SLC24A2: variants seen among roughly 807,000 people sequenced by gnomAD.
SLC24A2 encodes the protein sodium/potassium/calcium exchanger 2.
Under a neutral mutation model 62.0 loss-of-function variants are expected in SLC24A2, and 36 were observed. The ratio of observed to expected loss-of-function variants is 0.58; its 90% CI spans 0.44 to 0.77. SLC24A2 has a LOEUF of 0.77. SLC24A2 is among the 30% of genes least tolerant of loss of function. The pLI is 0.00. For synonymous variants in SLC24A2, 358 were observed against 294.0 expected, an observed-to-expected ratio of 1.22 and a Z score of -2.23; for missense variants, 846 against 817.9, an observed-to-expected ratio of 1.03 and a Z score of -0.42.
the SLC24A2 span, among the ~76,000 whole-genome samples, chr9:20,142,699 G>C: frequency 6.6e-6 from 1 of 152,144 alleles, no homozygotes; most frequent in Non-Finnish European, 1.5e-5. Flanking sequence ...GGGTTCAAGA[G>C]ATTCTCCTGC....
the SLC24A2 span, among the ~76,000 whole-genome samples, chr9:20,158,482 T>A: frequency 5.3e-5 from 8 of 151,682 alleles, no homozygotes; most frequent in African/African-American, 1.7e-4. Flanking sequence ...ACATAGAAGG[T>A]GCCATTTATG....
the SLC24A2 span, among the ~76,000 whole-genome samples, chr9:20,258,093 T>C: frequency 6.6e-6 from 1 of 152,320 alleles, no homozygotes; most frequent in East Asian, 1.9e-4. Context: ...ACACCCCATG[T>C]GGTAGGGAGA....
At chr9:19,794,897 G>A in the SLC24A2 span, among the ~76,000 whole-genome samples, 7 of 151,984 alleles carry the variant, frequency 4.6e-5, no homozygotes, top group South Asian at 4.2e-4. Context: ...ATAAAAAATC[G>A]TGCTCCTGCT....
the SLC24A2 span, among the ~76,000 whole-genome samples, chr9:20,275,236 G>A: frequency 3.3e-5 from 5 of 152,240 alleles, no homozygotes; most frequent in African/African-American, 1.2e-4. Context: ...GAGAAGACCT[G>A]CAGAGAAAAG....
chr9:19,774,070 C>T (rs556673752), intron 2 of SLC24A2, among the ~76,000 whole-genome samples: 1 of 152,178 alleles, frequency 6.6e-6, no homozygotes, highest in South Asian at 2.1e-4. Context: ...AGGAAGTAGG[C>T]AAGGCCCTGA....
chr9:19,586,076 T>C (rs1174813753), intron 5 of SLC24A2, among the ~76,000 whole-genome samples: 1 of 152,264 alleles, frequency 6.6e-6, no homozygotes, highest in Non-Finnish European at 1.5e-5. Context: ...CTTATTTCTT[T>C]TTAAGAAACT....
At chr9:20,064,116 A>G in the SLC24A2 span, among the ~76,000 whole-genome samples, 1 of 152,246 alleles carries the variant, frequency 6.6e-6, no homozygotes, top group African/African-American at 2.4e-5. Flanking sequence ...GTATATCCAT[A>G]TAGTGGAATA....
the SLC24A2 span, among the ~76,000 whole-genome samples, chr9:20,265,815 C>A: frequency 6.6e-6 from 1 of 152,186 alleles, no homozygotes; most frequent in Non-Finnish European, 1.5e-5. Flanking sequence ...TCGCTGAATT[C>A]TTTTTCTCAG....
intron 5 of SLC24A2, among the ~76,000 whole-genome samples, chr9:19,596,953 T>A (rs539795841): frequency 3.3e-5 from 5 of 152,344 alleles, no homozygotes; most frequent in African/African-American, 1.2e-4. Flanking sequence ...AGTGGGTATT[T>A]GTGTTTACAT....
the SLC24A2 span, among the ~76,000 whole-genome samples, chr9:20,225,955 G>C: frequency 6.6e-6 from 1 of 151,924 alleles, no homozygotes; most frequent in Non-Finnish European, 1.5e-5. Context: ...AAGAGAGAGA[G>C]GGAAGAATGA....
Position 19,688,387 on chromosome 9 carries a change from C to T in SLC24A2, c.931-66088G>A, listed in dbSNP as rs190241017. 3.7e-3 allele frequency among the ~76,000 whole-genome samples: 557 copies of T among 152,046 alleles called. 13 individuals carry two copies. The highest frequency in any genetic ancestry group is 0.033 in the Admixed American group (502 of 15,242). Reference sequence around the variant, plus strand: ...CAATGAGAAAACATGAAAATGGTGCCGATAGAAAGCTGGGTATCATTTGGT... The same window carrying T: ...CAATGAGAAAACATGAAAATGGTGCTGATAGAAAGCTGGGTATCATTTGGT... On this transcript the variant is annotated intron_variant, in intron 2 of 10. Coordinates refer to ENST00000341998, the MANE Select transcript of SLC24A2 (RefSeq NM_020344.4).
At chr9:19,689,525 G>C (rs1310289988) in intron 2 of SLC24A2, among the ~76,000 whole-genome samples, 1 of 152,154 alleles carries the variant, frequency 6.6e-6, no homozygotes, top group African/African-American at 2.4e-5. Flanking sequence ...GAGTGTGATA[G>C]ATGACGTCAT....
At chr9:20,233,757 G>A in the SLC24A2 span, among the ~76,000 whole-genome samples, 3 of 152,180 alleles carry the variant, frequency 2.0e-5, no homozygotes, top group African/African-American at 7.2e-5. Flanking sequence ...GTGTGAATTT[G>A]ATCCTGTCAT....
rs1832678142 is a variant in SLC24A2, at chr9:19,510,499, G to A, written c.*5654C>T. The A allele has an allele frequency of 6.6e-6, 1 of 151,484 alleles. No individual in the cohort carries two copies. The highest frequency in any genetic ancestry group is 2.1e-4 in the South Asian group (1 of 4,806). 9.4% of individuals were successfully genotyped at this position (151,484 alleles called of 1,614,324 possible). A position where few individuals can be genotyped will look rare whatever the true frequency, so the allele number is the denominator to read the frequency against. On this transcript the variant is annotated 3_prime_UTR_variant, in exon 11 of 11. Transcript: ENST00000341998. ...GTGGATGGGTTTGGGTTAACTTGGA[G>A]GGAGGCTTTTCTTGATGCTGATGGT...
chr9:19,973,240 G>C, the SLC24A2 span, among the ~76,000 whole-genome samples: 1 of 152,214 alleles, frequency 6.6e-6, no homozygotes, highest in African/African-American at 2.4e-5. Flanking sequence ...ACTGCAATGT[G>C]CAATGCCATG....
At chr9:20,080,443 G>A in the SLC24A2 span, among the ~76,000 whole-genome samples, 1 of 152,096 alleles carries the variant, frequency 6.6e-6, no homozygotes, top group African/African-American at 2.4e-5. Flanking sequence ...GCTGAAACTG[G>A]ATCCCTTCCT....
At chr9:20,005,394 C>A in the SLC24A2 span, among the ~76,000 whole-genome samples, 1 of 152,008 alleles carries the variant, frequency 6.6e-6, no homozygotes. Context: ...TAATATTGTG[C>A]TGAGGACTTT....
chr9:20,135,981 T>C, the SLC24A2 span, among the ~76,000 whole-genome samples: 2 of 152,102 alleles, frequency 1.3e-5, no homozygotes, highest in African/African-American at 4.8e-5. Flanking sequence ...TTACTGAAGA[T>C]CTACTATGTG....
the SLC24A2 span, among the ~76,000 whole-genome samples, chr9:19,885,959 T>C: frequency 6.6e-6 from 1 of 152,216 alleles, no homozygotes; most frequent in South Asian, 2.1e-4. Flanking sequence ...TAGTATTCTA[T>C]GGTGTATTTG....
Sources: allele counts gnomAD v4.1 joint callset (sites outside exome capture counted in the v4.1 genomes callset), GRCh38; gene constraint gnomAD v4.1.1; transcripts MANE v1.5; gene names NCBI Gene and HGNC (gene_info 2026-07-23, HGNC 2026-07-21).